Variants in GNAQ observed in about 807,000 individuals in gnomAD.
The protein encoded by GNAQ is guanine nucleotide-binding protein G(q) subunit alpha.
In GNAQ, 8 loss-of-function variants were observed where a neutral mutation model predicts 43.9. The observed-to-expected ratio is 0.18, with a 90% confidence interval of 0.11 to 0.33. The LOEUF is 0.33. Among genes scored for constraint, GNAQ ranks in the 10% least tolerant of loss-of-function variants. GNAQ has a pLI of 1.00. For synonymous variants in GNAQ, 155 were observed against 170.7 expected (o/e 0.91, Z 0.71); for missense variants, 158 against 450.8 (o/e 0.35, Z 5.88).
chr9:77,967,319 A>G (rs1406020214), intron 1 of GNAQ, among the ~76,000 whole-genome samples: 1 of 152,106 alleles, frequency 6.6e-6, no homozygotes, highest in Non-Finnish European at 1.5e-5. Flanking sequence ...TTATAAAATC[A>G]CCTGCACAAC....
At chr9:77,739,952 T>C (rs910687596) in intron 5 of GNAQ, among the ~76,000 whole-genome samples, 1 of 152,196 alleles carries the variant, frequency 6.6e-6, no homozygotes, top group East Asian at 1.9e-4. Context: ...CCAGGAAGAT[T>C]TGATCTAGCT....
intron 3 of GNAQ, among the ~76,000 whole-genome samples, chr9:77,810,213 T>TCTATCTATCTAA (rs1425958159): frequency 5.7e-3 from 176 of 30,738 alleles, no homozygotes; most frequent in African/African-American, 0.031. Context: ...CAATCATCTA[T>TCTATCTATCTAA]CTATCTATCT....
chr9:77,728,878 G>A (rs1300454964), intron 5 of GNAQ, among the ~76,000 whole-genome samples: 2 of 152,136 alleles, frequency 1.3e-5, no homozygotes, highest in Admixed American at 1.3e-4. Flanking sequence ...ACAAGCAGAA[G>A]AGAGTAATAA....
intron 1 of GNAQ, among the ~76,000 whole-genome samples, chr9:77,950,242 G>C (rs902507724): frequency 1.3e-5 from 2 of 152,150 alleles, no homozygotes; most frequent in Non-Finnish European, 2.9e-5. Flanking sequence ...CTTACAAAGG[G>C]AATCTCCCAT....
chr9:77,919,571 G>T (rs1372466357), intron 2 of GNAQ, among the ~76,000 whole-genome samples: 1 of 152,144 alleles, frequency 6.6e-6, no homozygotes, highest in Non-Finnish European at 1.5e-5. Flanking sequence ...CAACAAGTGG[G>T]CAGAGTTCAG....
chr9:77,799,599 TA>T (rs1156948933), intron 3 of GNAQ, among the ~76,000 whole-genome samples: 12 of 152,088 alleles, frequency 7.9e-5, no homozygotes, highest in Admixed American at 6.5e-4. Context: ...AAACTGAATG[TA>T]AAAAAAATGT....
At chr9:77,837,847 AT>A (rs71360655) in intron 2 of GNAQ, among the ~76,000 whole-genome samples, 30,593 of 128,766 alleles carry the variant, frequency 0.24, 5,311 homozygotes, top group African/African-American at 0.55. Context: ...AGTGATTTAA[AT>A]TTTTTTTTTT....
intron 1 of GNAQ, among the ~76,000 whole-genome samples, chr9:77,949,092 T>C (rs921495419): frequency 6.6e-6 from 1 of 152,158 alleles, no homozygotes; most frequent in Non-Finnish European, 1.5e-5. Context: ...GACAGAAAAT[T>C]CATATTATTA....
chr9:77,973,938 AACTT>A (rs557394746), intron 1 of GNAQ, among the ~76,000 whole-genome samples: 13 of 152,170 alleles, frequency 8.5e-5, no homozygotes, highest in Non-Finnish European at 8.8e-5. Flanking sequence ...AATAAGGTAA[AACTT>A]AATTTTCTCA....
chr9:77,761,804 G>A (rs1442744397), intron 5 of GNAQ, among the ~76,000 whole-genome samples: 1 of 73,098 alleles, frequency 1.4e-5, no homozygotes, highest in East Asian at 4.0e-4. Context: ...ACTGGGAAGT[G>A]AGGAGCCCCT....
chr9:77,732,747 G>A (rs1288788955), intron 5 of GNAQ, among the ~76,000 whole-genome samples: 2 of 152,186 alleles, frequency 1.3e-5, no homozygotes, highest in African/African-American at 4.8e-5. Context: ...GAGGCTCTAG[G>A]AGGCTTCCAA....
rs559863141 is a variant in GNAQ at position 77,766,542 on chromosome 9, T to C, written c.735+27921A>G. 9.4e-4 allele frequency among the ~76,000 whole-genome samples: 143 copies of C among 152,338 alleles called. 1 individual carries two copies. Among genetic ancestry groups the C allele is most frequent in the African/African-American group, 3.4e-3 (141 of 41,580 alleles). ...AGACTTCTGGGTGTCTCTGATTTTC[T>C]TTGAGTTTGATCCAGAAGAGAAATG... On this transcript the variant is annotated intron_variant, in intron 5 of 6. Transcript: ENST00000286548.
intron 5 of GNAQ, among the ~76,000 whole-genome samples, chr9:77,759,307 C>T (rs977510854): frequency 7.9e-5 from 12 of 152,086 alleles, no homozygotes; most frequent in African/African-American, 2.9e-4. Context: ...ATTTTTTGGT[C>T]TTTCATTTAA....
intron 1 of GNAQ, among the ~76,000 whole-genome samples, chr9:77,982,098 T>C (rs150467189): frequency 5.6e-4 from 85 of 152,210 alleles, no homozygotes; most frequent in Non-Finnish European, 9.1e-4. Flanking sequence ...TGCTAATTCT[T>C]AGCACAGAAA....
rs935165934 is a variant in GNAQ at position 77,717,781 on chromosome 9, T to C, written c.*3542A>G. The C allele has an allele frequency of 9.5e-5, 22 of 232,638 alleles. No individual in the cohort carries two copies. Among genetic ancestry groups the C allele is most frequent in the Admixed American group, 4.5e-4 (8 of 17,774 alleles). The allele number at this position is 232,638 out of a possible 1,614,324, so 14.4% of individuals were successfully genotyped here. A position where few individuals can be genotyped will look rare whatever the true frequency, so the allele number is the denominator to read the frequency against. ...CGTGTTCTTCAGATTCCTTTTGTAG[T>C]TGTCATCTGCTAGTAAACAACATAT... is the stretch of plus-strand genomic sequence containing the variant. On this transcript the variant is annotated 3_prime_UTR_variant, in exon 7 of 7. Transcript: ENST00000286548.
chr9:77,901,302 G>A (rs1200483196), intron 2 of GNAQ, among the ~76,000 whole-genome samples: 1 of 152,138 alleles, frequency 6.6e-6, no homozygotes, highest in Non-Finnish European at 1.5e-5. Context: ...TGGAATTGGA[G>A]GCTCTTTACA....
chr9:77,874,148 GA>G (rs966761754), intron 2 of GNAQ, among the ~76,000 whole-genome samples: 24 of 147,386 alleles, frequency 1.6e-4, no homozygotes, highest in African/African-American at 3.1e-4. Context: ...AAACAAGAAA[GA>G]AAAAAATATA....
chr9:77,933,536 T>G (rs1479316207), intron 1 of GNAQ, among the ~76,000 whole-genome samples: 1 of 151,728 alleles, frequency 6.6e-6, no homozygotes, highest in African/African-American at 2.4e-5. Context: ...TCCCAGACAC[T>G]CGGGAGGCTG....
intron 1 of GNAQ, among the ~76,000 whole-genome samples, chr9:78,029,140 C>T (rs1269837336): frequency 3.9e-5 from 6 of 151,920 alleles, no homozygotes; most frequent in South Asian, 4.2e-4. Flanking sequence ...GACATTCAAA[C>T]CTAGGCCCAC....
Sources: gnomAD v4.1 joint callset for allele counts (sites outside exome capture counted in the v4.1 genomes callset) on GRCh38, gnomAD v4.1.1 for gene constraint, MANE v1.5 for transcripts, NCBI Gene and HGNC (gene_info 2026-07-23, HGNC 2026-07-21) for gene names.